Variants in SLC38A11 observed in about 807,000 individuals in gnomAD.
SLC38A11 encodes the protein solute carrier family 38 member 11.
A neutral mutation model predicts 49.4 loss-of-function variants in SLC38A11; 51 were observed. That is an observed-to-expected ratio of 1.03 (90% CI 0.83 to 1.30). SLC38A11 has a LOEUF of 1.30. Ranked by LOEUF, SLC38A11 falls within the 50% of genes most tolerant of loss-of-function variation. The pLI is 0.00. For synonymous variants in SLC38A11, 203 were observed against 192.9 expected, an observed-to-expected ratio of 1.05 and a Z score of -0.43; for missense variants, 574 against 556.2, an observed-to-expected ratio of 1.03 and a Z score of -0.32.
At chr2:164,901,151 C>T (rs892195902) in intron 11 of SLC38A11, among the ~76,000 whole-genome samples, 3 of 151,968 alleles carry the variant, frequency 2.0e-5, no homozygotes, top group South Asian at 2.1e-4. Flanking sequence ...TATGTTCCAT[C>T]GGTCTATATT....
At chr2:164,940,960 T>G (rs572094501) in intron 5 of SLC38A11, among the ~76,000 whole-genome samples, 3 of 152,150 alleles carry the variant, frequency 2.0e-5, no homozygotes, top group East Asian at 3.9e-4. Context: ...ACCAAATTAT[T>G]TGTGTATCTA....
chr2:164,933,375 G>T (rs1455768014), intron 7 of SLC38A11, among the ~76,000 whole-genome samples: 3 of 151,840 alleles, frequency 2.0e-5, no homozygotes, highest in African/African-American at 7.3e-5. Flanking sequence ...TTTTTAGAAA[G>T]CAAAAGGTTA....
In SLC38A11 at chr2:164,895,395, C is replaced by T. The variant is rs1684363964; in HGVS notation, c.*3042G>A. Reference sequence around the variant, plus strand: ...GTGACCTCATGGTCACTCATTGATTCATGCTTGGGCCACCTGACAACATTT... The same window carrying T: ...GTGACCTCATGGTCACTCATTGATTTATGCTTGGGCCACCTGACAACATTT... On this transcript the variant is annotated 3_prime_UTR_variant, in exon 12 of 12. Transcript: ENST00000685975. Among the ~76,000 whole-genome samples the T allele has an allele frequency of 6.6e-6, 1 of 152,154 alleles. No homozygotes were observed. The highest frequency in any genetic ancestry group is 2.4e-5 in the African/African-American group (1 of 41,442).
At chr2:164,901,463 A>G (rs1684648073) in intron 11 of SLC38A11, among the ~76,000 whole-genome samples, 1 of 152,102 alleles carries the variant, frequency 6.6e-6, no homozygotes, top group Non-Finnish European at 1.5e-5. Flanking sequence ...AGTTTTCAGT[A>G]TACAAATTTT....
intron 3 of SLC38A11, among the ~76,000 whole-genome samples, chr2:164,950,808 A>G (rs1049116589): frequency 2.6e-5 from 4 of 152,184 alleles, no homozygotes; most frequent in African/African-American, 9.6e-5. Flanking sequence ...GTGGCCTTAA[A>G]AGGCAAAATA....
rs116221366 is a variant in SLC38A11, at chr2:164,932,120, T to G, written c.617+5230A>C. 5.6e-3 allele frequency among the ~76,000 whole-genome samples: 857 copies of G among 151,696 alleles called. 4 individuals are homozygous for G. Among genetic ancestry groups the G allele is most frequent in the African/African-American group, 0.018 (766 of 41,440 alleles). ...AGTAGGCAAAGGACATGAACACTCTTCAAAAGACGTAATTGTGACCAACAT... is the reference window on the plus strand; with the variant it reads ...AGTAGGCAAAGGACATGAACACTCTGCAAAAGACGTAATTGTGACCAACAT... On this transcript the variant is annotated intron_variant, in intron 7 of 11. Coordinates refer to ENST00000685975, the MANE Select transcript of SLC38A11 (RefSeq NM_001351537.2).
chr2:164,932,816 C>T (rs922901336), intron 7 of SLC38A11, among the ~76,000 whole-genome samples: 1 of 151,952 alleles, frequency 6.6e-6, no homozygotes, highest in African/African-American at 2.4e-5. Flanking sequence ...ACGAAATAAT[C>T]GGTACAACAA....
intron 3 of SLC38A11, among the ~76,000 whole-genome samples, chr2:164,949,556 T>A (rs1000321133): frequency 6.6e-6 from 1 of 152,164 alleles, no homozygotes; most frequent in Non-Finnish European, 1.5e-5. Flanking sequence ...CCGTGCCCAG[T>A]CCTAAGAAGT....
intron 3 of SLC38A11, chr2:164,949,824 C>T (rs990807725): frequency 6.6e-6 from 1 of 152,106 alleles, no homozygotes; most frequent in African/African-American, 2.4e-5. Context: ...GACTGTTGGT[C>T]ACAGAGTGAG....
intron 10 of SLC38A11, among the ~76,000 whole-genome samples, chr2:164,911,203 T>C (rs1685375799): frequency 6.6e-6 from 1 of 152,086 alleles, no homozygotes; most frequent in South Asian, 2.1e-4. Flanking sequence ...CTGTAGATTC[T>C]ACAGTGCCTT....
chr2:164,900,960 A>G (rs1684613591), intron 11 of SLC38A11, among the ~76,000 whole-genome samples: 1 of 152,038 alleles, frequency 6.6e-6, no homozygotes, highest in Admixed American at 6.6e-5. Flanking sequence ...TATCTTATCC[A>G]TTTGGAATTG....
chr2:164,946,349 C>G (rs906162744), intron 3 of SLC38A11, among the ~76,000 whole-genome samples: 1 of 151,926 alleles, frequency 6.6e-6, no homozygotes, highest in Non-Finnish European at 1.5e-5. Context: ...GGGCAGATCT[C>G]GAGGTCAGGA....
chr2:164,930,748 A>T (rs1686943801), intron 7 of SLC38A11, among the ~76,000 whole-genome samples: 1 of 152,162 alleles, frequency 6.6e-6, no homozygotes, highest in Non-Finnish European at 1.5e-5. Context: ...AATTGAAGGC[A>T]CATACCTCAA....
chr2:164,935,860 C>T (rs1264716430), intron 7 of SLC38A11, among the ~76,000 whole-genome samples: 2 of 151,984 alleles, frequency 1.3e-5, no homozygotes, highest in Non-Finnish European at 2.9e-5. Context: ...AGGGTGGAGC[C>T]CTCACTCTGG....
At chr2:164,950,400 T>A (rs1199008536) in intron 3 of SLC38A11, among the ~76,000 whole-genome samples, 3 of 152,226 alleles carry the variant, frequency 2.0e-5, no homozygotes, top group Non-Finnish European at 4.4e-5. Context: ...TTCACAATGA[T>A]CACTTAAAGG....
intron 7 of SLC38A11, among the ~76,000 whole-genome samples, chr2:164,935,345 C>T (rs1361772435): frequency 6.6e-6 from 1 of 151,562 alleles, no homozygotes; most frequent in South Asian, 2.1e-4. Context: ...GAATAAATGG[C>T]CATATTGAAG....
Position 164,945,637 on chromosome 2 carries a change from C to T in SLC38A11, c.320G>A (p.Gly107Glu), listed in dbSNP as rs1029209317. ...CTGAAGAACAGAGAGGAGCAGATACCCTGGAAAGCCGAAAGTTTTATTGAC... is the reference window on the plus strand; with the variant it reads ...CTGAAGAACAGAGAGGAGCAGATACTCTGGAAAGCCGAAAGTTTTATTGAC... Reference protein sequence around the residue: ...SLVNKTFGFPGYLLLSVLQFL... With the variant: ...SLVNKTFGFPEYLLLSVLQFL... Residue 107 changes from glycine to glutamate, a missense_variant, in exon 4 of 12, where the codon GGG (glycine) becomes GAG (glutamate). By Grantham distance (98) the Gly-to-Glu change is moderately conservative. Transcript: ENST00000685975. 20 of 1,609,448 alleles carry T rather than the reference C, an allele frequency of 1.2e-5. No individual in the cohort carries two copies. The highest frequency in any genetic ancestry group is 5.4e-5 in the African/African-American group (4 of 74,448).
At chr2:164,928,509 T>C (rs1194224465) in intron 7 of SLC38A11, among the ~76,000 whole-genome samples, 2 of 152,212 alleles carry the variant, frequency 1.3e-5, no homozygotes, top group South Asian at 2.1e-4. Context: ...TGCTGAGTAA[T>C]GGGTATATAG....
chr2:164,938,968 C>T (rs1311776376), intron 6 of SLC38A11, among the ~76,000 whole-genome samples: 1 of 151,850 alleles, frequency 6.6e-6, no homozygotes, highest in East Asian at 1.9e-4. Flanking sequence ...TAAATATTGG[C>T]AAAATTCTCA....
Sources: gnomAD v4.1 joint callset for allele counts (sites outside exome capture counted in the v4.1 genomes callset) on GRCh38, gnomAD v4.1.1 for gene constraint, MANE v1.5 for transcripts, NCBI Gene and HGNC (gene_info 2026-07-23, HGNC 2026-07-21) for gene names.